Variants in HMCN1 observed in about 807,000 individuals in gnomAD.
HMCN1 encodes the protein hemicentin 1.
A neutral mutation model predicts 625.9 loss-of-function variants in HMCN1; 321 were observed. The ratio of observed to expected loss-of-function variants is 0.51; its 90% CI spans 0.47 to 0.56. HMCN1 has a LOEUF of 0.56. HMCN1 is among the 20% of genes least tolerant of loss of function. The pLI is 0.00. For missense variants in HMCN1, 6,588 were observed against 6,887.3 expected (o/e 0.96, Z 1.54); for synonymous variants, 2,425 against 2,417.6 (o/e 1.00, Z -0.09).
chr1:186,156,116 AC>A (rs1651002263), intron 97 of HMCN1, among the ~76,000 whole-genome samples: 1 of 152,108 alleles, frequency 6.6e-6, no homozygotes, highest in Non-Finnish European at 1.5e-5. Context: ...TTAAAATCTA[AC>A]TTATTTTTAA....
At chr1:186,137,055 G>C (rs1418119831) in intron 87 of HMCN1, 118 bp downstream of exon 87, 6 of 1,222,712 alleles carry the variant, frequency 4.9e-6, no homozygotes, top group Non-Finnish European at 7.1e-6. Flanking sequence ...TTAGATGATG[G>C]GGAGAGGACA....
intron 1 of HMCN1, among the ~76,000 whole-genome samples, chr1:185,781,458 C>G (rs1023631145): frequency 6.6e-6 from 1 of 152,192 alleles, no homozygotes; most frequent in African/African-American, 2.4e-5. Flanking sequence ...AATTTTAGAT[C>G]TTTCCTGCTT....
At chr1:185,865,712 A>G (rs765984668) in intron 3 of HMCN1, 29 bp from the exon 4 acceptor site, 3 of 1,552,228 alleles carry the variant, frequency 1.9e-6, no homozygotes, top group African/African-American at 2.9e-5. Context: ...AACCCTTTAC[A>G]CTGTTTCTTT....
At chr1:186,147,068 G>A (rs1012997495) in intron 93 of HMCN1, among the ~76,000 whole-genome samples, 1 of 152,150 alleles carries the variant, frequency 6.6e-6, no homozygotes, top group African/African-American at 2.4e-5. Context: ...ACCGGGCCTT[G>A]ACTGGCTCTC....
intron 1 of HMCN1, among the ~76,000 whole-genome samples, chr1:185,807,603 C>T (rs74135350): frequency 0.091 from 13,834 of 152,148 alleles, 2,026 homozygotes; most frequent in African/African-American, 0.31. Flanking sequence ...AAGGTTTCTT[C>T]TGTATTACTT....
In HMCN1 at chr1:185,989,523, T is replaced by C. The variant is rs1460179997; in HGVS notation, c.3084T>C (p.Phe1028=). Residue 1028 remains phenylalanine, a synonymous_variant, in exon 21 of 107, where the codon TTT becomes TTC. Transcript: ENST00000271588. The part of the protein sequence containing the change: ...GELISTSSAK[F]SAGADGSLYV... Reference sequence around the variant, plus strand: ...TGATTTCAACCAGCAGTGCTAAGTTTTCAGCAGGAGCTGATGGTAGTCTGT... The same window carrying C: ...TGATTTCAACCAGCAGTGCTAAGTTCTCAGCAGGAGCTGATGGTAGTCTGT... The C allele has an allele frequency of 3.7e-6, 6 of 1,614,076 alleles. No individual in the cohort carries two copies. The highest frequency in any genetic ancestry group is 5.1e-6 in the Non-Finnish European group (6 of 1,179,988).
At chr1:186,141,351 G>C (rs1254952077) in intron 89 of HMCN1, among the ~76,000 whole-genome samples, 1 of 151,950 alleles carries the variant, frequency 6.6e-6, no homozygotes, top group Non-Finnish European at 1.5e-5. Context: ...GAATAGGTTA[G>C]TGGAGGCAGG....
Position 186,187,872 on chromosome 1 carries a change from G to T in HMCN1, c.16415-11G>T. ...ACTGCTGATGCTGCATGTTCCCTGT[G>T]CTGTCCCTAGATATCGATGAATGTC... On this transcript the variant is annotated splice_polypyrimidine_tract_variant and intron_variant, in intron 105 of 106. Coordinates refer to ENST00000271588, the MANE Select transcript of HMCN1 (RefSeq NM_031935.3). 1.2e-6 allele frequency: 2 copies of T among 1,613,548 alleles called. No individual in the cohort carries two copies. Among genetic ancestry groups the T allele is most frequent in the Non-Finnish European group, 1.7e-6 (2 of 1,179,648 alleles).
intron 1 of HMCN1, among the ~76,000 whole-genome samples, chr1:185,746,622 T>TC (rs1553233215): frequency 1.3e-5 from 2 of 150,964 alleles, no homozygotes; most frequent in African/African-American, 4.9e-5. Context: ...TTTTTTTTTT[T>TC]GTGAGACAGT....
intron 97 of HMCN1, among the ~76,000 whole-genome samples, chr1:186,155,010 A>ATGAG (rs1360411921): frequency 2.0e-5 from 3 of 152,200 alleles, no homozygotes; most frequent in Non-Finnish European, 4.4e-5. Flanking sequence ...TTAGGCTCCC[A>ATGAG]TGAGTTCACT....
intron 11 of HMCN1, among the ~76,000 whole-genome samples, chr1:185,934,992 G>T (rs1294247386): frequency 6.6e-6 from 1 of 152,082 alleles, no homozygotes; most frequent in Non-Finnish European, 1.5e-5. Flanking sequence ...CTAGGGAAAT[G>T]TTGCTTTTGT....
chr1:185,735,055 A>G lies in HMCN1; in HGVS notation c.268+8A>G. ...TGCCTTTCCATGATCCAGGTAAGGGAAATATTTATACTTTGTCTTTGCTAT... is the reference window on the plus strand; with the variant it reads ...TGCCTTTCCATGATCCAGGTAAGGGGAATATTTATACTTTGTCTTTGCTAT... On this transcript the variant is annotated splice_region_variant and intron_variant, in intron 1 of 106. Coordinates refer to ENST00000271588, the MANE Select transcript of HMCN1 (RefSeq NM_031935.3). 1.2e-6 allele frequency: 2 copies of G among 1,613,374 alleles called. No individual in the cohort carries two copies. Among genetic ancestry groups the G allele is most frequent in the Non-Finnish European group, 8.5e-7 (1 of 1,179,270 alleles).
chr1:185,987,811 G>T (rs1364163861), intron 20 of HMCN1, among the ~76,000 whole-genome samples: 1 of 151,694 alleles, frequency 6.6e-6, no homozygotes, highest in Admixed American at 6.6e-5. Context: ...TTACACTGCT[G>T]CACTTGCTGG....
intron 2 of HMCN1, among the ~76,000 whole-genome samples, chr1:185,861,126 G>C (rs1402117015): frequency 6.6e-6 from 1 of 152,042 alleles, no homozygotes; most frequent in Admixed American, 6.6e-5. Context: ...TCTACTCCTG[G>C]GTAATGTTTC....
chr1:185,764,561 T>C (rs560295323), intron 1 of HMCN1, among the ~76,000 whole-genome samples: 11 of 152,290 alleles, frequency 7.2e-5, no homozygotes, highest in African/African-American at 2.6e-4. Flanking sequence ...CCTTTTATCA[T>C]GCTTTCTGAC....
chr1:185,965,933 G>T lies in HMCN1; in HGVS notation c.2212+18G>T. The stretch of plus-strand genomic sequence containing the variant: ...GTTCAAAGGTACATTTCTTCAATAT[G>T]TTTGTGTCTGGTTCACTTAGTTTTG... On this transcript the variant is annotated intron_variant, in intron 14 of 106. Transcript: ENST00000271588. 7.7e-7 allele frequency: 1 copy of T among 1,295,682 alleles called. No individual in the cohort carries two copies. The allele number at this position is 1,295,682 out of a possible 1,614,324, so 80.3% of individuals were successfully genotyped here. A position where few individuals can be genotyped will look rare whatever the true frequency, so the allele number is the denominator to read the frequency against.
intron 1 of HMCN1, among the ~76,000 whole-genome samples, chr1:185,778,922 C>T (rs928342856): frequency 3.3e-5 from 5 of 152,202 alleles, no homozygotes; most frequent in African/African-American, 4.8e-5. Flanking sequence ...AATTGCCACA[C>T]TGTCTTCCAC....
chr1:186,055,800 C>A lies in HMCN1; in HGVS notation c.7144+126C>A, dbSNP rs530739362. On this transcript the variant is annotated intron_variant, in intron 45 of 106. Transcript: ENST00000271588. Reference sequence around the variant, plus strand: ...AACCCATCATTTTAAACATATATACCTTTTCCCCAGGTCAGTCTCATCATT... The same window carrying A: ...AACCCATCATTTTAAACATATATACATTTTCCCCAGGTCAGTCTCATCATT... The A allele has an allele frequency of 1.2e-3, 1,115 of 934,810 alleles. 1 individual carries two copies. Among genetic ancestry groups the A allele is most frequent in the Non-Finnish European group, 1.5e-3 (851 of 579,442 alleles). 57.9% of individuals were successfully genotyped at this position (934,810 alleles called of 1,614,324 possible).
rs373961391 is a variant in HMCN1 at position 185,989,425 on chromosome 1, CTT to C, written c.3049-60_3049-59del. On this transcript the variant is annotated intron_variant, in intron 20 of 106. Transcript: ENST00000271588. ...TATTCCTCTTCCAGACATTGTCACT[CTT>C]TTATAATCTTGAAACAAACAAACAA... is the stretch of plus-strand genomic sequence containing the variant. 224 of 1,581,670 alleles carry C rather than the reference CTT, an allele frequency of 1.4e-4. 1 individual carries two copies. The East Asian group carries it at 4.2e-3, about 30-fold the overall frequency.
Sources: gnomAD v4.1 joint callset for allele counts (sites outside exome capture counted in the v4.1 genomes callset) on GRCh38, gnomAD v4.1.1 for gene constraint, MANE v1.5 for transcripts, NCBI Gene and HGNC (gene_info 2026-07-23, HGNC 2026-07-21) for gene names.